MAP7D2: variants seen among roughly 807,000 people sequenced by gnomAD.
The protein encoded by MAP7D2 is MAP7 domain-containing protein 2.
Under a neutral mutation model 63.5 loss-of-function variants are expected in MAP7D2, and 33 were observed. That is an observed-to-expected ratio of 0.52 (90% CI 0.39 to 0.70). The LOEUF (loss-of-function observed/expected upper bound fraction) is 0.70. Ranked by LOEUF, MAP7D2 falls within the 30% of genes least tolerant of loss-of-function variation. MAP7D2 has a pLI of 0.00. For missense variants in MAP7D2, 626 were observed against 604.0 expected, an observed-to-expected ratio of 1.04 and a Z score of -0.38; for synonymous variants, 224 against 223.7, an observed-to-expected ratio of 1.00 and a Z score of -0.01.
chrX:20,062,653 TATC>T (rs370593108), intron 3 of MAP7D2, among the ~76,000 whole-genome samples: 13 of 111,596 alleles, frequency 1.2e-4, no homozygotes, highest in African/African-American at 4.2e-4. Flanking sequence ...AATAAAAAAT[TATC>T]ATCAACTGAC....
At chrX:20,045,931 A>G (rs747724565) in intron 6 of MAP7D2, among the ~76,000 whole-genome samples, 2 of 111,949 alleles carry the variant, frequency 1.8e-5, no homozygotes, top group Non-Finnish European at 3.8e-5. Context: ...AAAGTGAGGG[A>G]AAAAGCACAG....
chrX:20,024,192 A>G (rs1392068050), intron 10 of MAP7D2, among the ~76,000 whole-genome samples: 1 of 112,146 alleles, frequency 8.9e-6, no homozygotes, highest in Non-Finnish European at 1.9e-5. Flanking sequence ...CTTGTCCTTC[A>G]ACATGCTTTC....
In MAP7D2 at chrX:20,114,223, G is replaced by C. The variant is rs188004413; in HGVS notation, c.130+2527C>G. Among the ~76,000 whole-genome samples the C allele has an allele frequency of 2.4e-3, 269 of 112,063 alleles. 1 individual carries two copies. Among genetic ancestry groups the C allele is most frequent in the African/African-American group, 8.3e-3 (257 of 30,823 alleles). ...AATGTTCGTATTTTTAGTAGAGATA[G>C]GGTTTCACCATGTTAGCCAGACTGG... On this transcript the variant is annotated intron_variant, in intron 1 of 16. Transcript: ENST00000379643.
rs760591605 is a variant in MAP7D2, at chrX:20,026,337, C to G, written c.1008-385G>C. ...CTGGCTCCTTTTAAAAAAATTGTGACAAAACATATATAACACCAAATTTAC... is the reference window on the plus strand; with the variant it reads ...CTGGCTCCTTTTAAAAAAATTGTGAGAAAACATATATAACACCAAATTTAC... On this transcript the variant is annotated intron_variant, in intron 8 of 16. Transcript: ENST00000379643. Among the ~76,000 whole-genome samples the G allele has an allele frequency of 4.5e-5, 5 of 111,291 alleles. No homozygotes were observed. The South Asian group carries it at 1.9e-3, about 42-fold the overall frequency.
At chrX:20,071,442 A>G (rs958829417) in intron 1 of MAP7D2, among the ~76,000 whole-genome samples, 1 of 112,534 alleles carries the variant, frequency 8.9e-6, no homozygotes, top group East Asian at 2.8e-4. Context: ...TTGAGCATGC[A>G]TCAGAACCAC....
intron 1 of MAP7D2, among the ~76,000 whole-genome samples, chrX:20,078,729 CATT>C (rs1374128874): frequency 1.8e-5 from 2 of 111,842 alleles, no homozygotes; most frequent in Admixed American, 9.5e-5. Flanking sequence ...GTATTATCAT[CATT>C]ATTACTGGTT....
In MAP7D2 at chrX:20,013,038, C is replaced by T. The variant is rs1391180688; in HGVS notation, c.1885+16G>A. 2.5e-6 allele frequency: 3 copies of T among 1,191,897 alleles called. No individual in the cohort carries two copies. The highest frequency in any genetic ancestry group is 3.0e-5 in the East Asian group (1 of 33,654). On this transcript the variant is annotated intron_variant, in intron 14 of 16. Transcript: ENST00000379643. The stretch of plus-strand genomic sequence containing the variant: ...CTACTAAAAGGAAGAACCCAAGAAC[C>T]AGATGTCACACTCACCCATTTTGTT...
Position 20,010,948 on chromosome X carries a change from G to A in MAP7D2, c.2177C>T (p.Ala726Val), listed in dbSNP as rs2073180033. Residue 726 changes from alanine to valine, a missense_variant, in exon 16 of 17, where the codon GCA becomes GTA. Coordinates refer to ENST00000379643, the MANE Select transcript of MAP7D2 (RefSeq NM_001168465.2). ...LDQNGTGNAR[A>V]LQDLLDFTGP... ...AGTGAAATCTAAGAGATCTTGAAGT[G>A]CTCGGGCATTACCAGTTCCATTTTG... 1 of 1,209,074 alleles carries A rather than the reference G, an allele frequency of 8.3e-7. No homozygotes were observed. The highest frequency in any genetic ancestry group is 1.1e-6 in the Non-Finnish European group (1 of 895,016).
chrX:20,058,897 T>G (rs888141846), intron 3 of MAP7D2, among the ~76,000 whole-genome samples: 7 of 112,195 alleles, frequency 6.2e-5, no homozygotes, highest in Non-Finnish European at 1.3e-4. Context: ...CAGTATTGCC[T>G]CGTGTTTGTG....
chrX:20,024,815 T>G (rs1347226212), intron 10 of MAP7D2, 136 bp downstream of exon 10: 1 of 627,669 alleles, frequency 1.6e-6, no homozygotes, highest in African/African-American at 2.2e-5. Flanking sequence ...ACACCTTCCA[T>G]GTAGTTCAGA....
chrX:20,085,988 A>G (rs1442745246), intron 1 of MAP7D2, among the ~76,000 whole-genome samples: 2 of 112,612 alleles, frequency 1.8e-5, no homozygotes, highest in African/African-American at 6.5e-5. Flanking sequence ...CTGGGATTAC[A>G]GGTGTGAGCC....
rs996195822 is a variant in MAP7D2, at chrX:20,042,603, T to A, written c.906A>T (p.Arg302=). Residue 302 remains arginine (R), a synonymous_variant, in exon 8 of 17, where the codon CGA becomes CGT. Coordinates refer to ENST00000379643, the MANE Select transcript of MAP7D2 (RefSeq NM_001168465.2). ...TCACAACAGGAAGAGAAGTTGCTGTTCGTTGCCCCCGCTTCACCTTCTCCA... is the reference window on the plus strand; with the variant it reads ...TCACAACAGGAAGAGAAGTTGCTGTACGTTGCCCCCGCTTCACCTTCTCCA... ...SLVEKVKRGQ[R]TATSLPVVNF... 3.3e-6 allele frequency: 4 copies of A among 1,209,905 alleles called. No homozygotes were observed. In the African/African-American group the frequency reaches 7.0e-5, roughly 21 times the overall value.
chrX:20,063,427 A>G lies in MAP7D2; in HGVS notation c.359T>C (p.Leu120Pro). 8.3e-7 allele frequency: 1 copy of G among 1,210,761 alleles called. No homozygotes were observed. Among genetic ancestry groups the G allele is most frequent in the African/African-American group, 1.7e-5 (1 of 57,684 alleles). The change falls in exon 3 of 17, where the codon CTC (leucine) becomes CCC (proline). Residue 120 changes from leucine to proline, a missense_variant. Coordinates refer to ENST00000379643, the MANE Select transcript of MAP7D2 (RefSeq NM_001168465.2). The stretch of plus-strand genomic sequence containing the variant: ...CCTGGGCCTTACCTCCTCCTCCCGG[A>G]GCTTCTGTTTCCTTTTCTCTTCCAC... ...AAVEEKRKQK[L>P]REEEERLEAM...
At chrX:20,084,638 G>A (rs907045958) in intron 1 of MAP7D2, among the ~76,000 whole-genome samples, 1 of 103,472 alleles carries the variant, frequency 9.7e-6, no homozygotes, top group Non-Finnish European at 1.9e-5. Context: ...GCACAATCTC[G>A]GCTCACTGCA....
intron 1 of MAP7D2, among the ~76,000 whole-genome samples, chrX:20,094,567 T>C (rs1367608522): frequency 9.1e-4 from 9 of 9,850 alleles, no homozygotes; most frequent in South Asian, 8.1e-3. Context: ...TATATATATA[T>C]ACATATATAT....
chrX:20,044,223 G>T, intron 7 of MAP7D2, 141 bp downstream of exon 7: 7 of 644,328 alleles, frequency 1.1e-5, no homozygotes, highest in South Asian at 3.5e-5. Flanking sequence ...GTAAAATTTT[G>T]AACTAAATCT....
chrX:20,083,086 G>A (rs1265548182), intron 1 of MAP7D2, among the ~76,000 whole-genome samples: 14 of 111,977 alleles, frequency 1.3e-4, no homozygotes, highest in Admixed American at 1.2e-3. Context: ...GCCTCTAACC[G>A]CATCCCTGCT....
chrX:20,079,599 A>C (rs1336369478), intron 1 of MAP7D2, among the ~76,000 whole-genome samples: 2 of 111,918 alleles, frequency 1.8e-5, no homozygotes, highest in Non-Finnish European at 3.8e-5. Flanking sequence ...GGCCTGCCCA[A>C]CTGTATCCTA....
chrX:20,097,604 A>G (rs967156836), intron 1 of MAP7D2, among the ~76,000 whole-genome samples: 1 of 112,347 alleles, frequency 8.9e-6, no homozygotes, highest in Non-Finnish European at 1.9e-5. Context: ...AAGGAATGCT[A>G]CTGGCTGGAC....
Sources: gnomAD v4.1 joint callset for allele counts (sites outside exome capture counted in the v4.1 genomes callset) on GRCh38, gnomAD v4.1.1 for gene constraint, MANE v1.5 for transcripts, NCBI Gene and HGNC (gene_info 2026-07-23, HGNC 2026-07-21) for gene names.